LGSN: variants seen among roughly 807,000 people sequenced by gnomAD.
LGSN encodes the protein lengsin, lens protein with glutamine synthetase domain.
A neutral mutation model predicts 19.5 loss-of-function variants in LGSN; 21 were observed. The ratio of observed to expected loss-of-function variants is 1.07; its 90% CI spans 0.76 to 1.55. LGSN has a LOEUF of 1.55. Among genes scored for constraint, LGSN ranks in the 40% most tolerant of loss-of-function variants. LGSN has a pLI of 0.00. For missense variants in LGSN, 673 were observed against 608.5 expected (o/e 1.11, Z -1.12); for synonymous variants, 257 against 215.6 (o/e 1.19, Z -1.68).
intron 1 of LGSN, among the ~76,000 whole-genome samples, chr6:63,313,797 C>T (rs1049006379): frequency 8.6e-5 from 13 of 151,958 alleles, no homozygotes; most frequent in African/African-American, 3.1e-4. Context: ...GATTGCACCA[C>T]TGCACTCCAA....
At chr6:63,389,307 A>T in the LGSN span, among the ~76,000 whole-genome samples, 1,288 of 152,316 alleles carry the variant, frequency 8.5e-3, 22 homozygotes, top group African/African-American at 0.029. Context: ...AAAGAAGCTT[A>T]CCTTACATTT....
At chr6:63,525,517 C>G in the LGSN span, among the ~76,000 whole-genome samples, 1 of 152,208 alleles carries the variant, frequency 6.6e-6, no homozygotes, top group Non-Finnish European at 1.5e-5. Context: ...TTCCCCATCT[C>G]CCAGAACCTA....
intron 2 of LGSN, among the ~76,000 whole-genome samples, chr6:63,289,203 G>A (rs1467528914): frequency 6.6e-6 from 1 of 152,172 alleles, no homozygotes; most frequent in East Asian, 1.9e-4. Flanking sequence ...AATACATCCT[G>A]TGTGATTTGA....
At chr6:63,461,710 C>A in the LGSN span, among the ~76,000 whole-genome samples, 1 of 152,222 alleles carries the variant, frequency 6.6e-6, no homozygotes, top group Admixed American at 6.5e-5. Context: ...GATCCCAAAT[C>A]AATCTGGTCT....
the LGSN span, among the ~76,000 whole-genome samples, chr6:63,498,208 G>A: frequency 5.9e-5 from 9 of 152,008 alleles, no homozygotes; most frequent in Non-Finnish European, 1.2e-4. Context: ...GTGAGCCACC[G>A]CATCCCACCT....
the LGSN span, among the ~76,000 whole-genome samples, chr6:63,528,427 C>CT: frequency 5.1e-3 from 734 of 144,532 alleles, 7 homozygotes; most frequent in African/African-American, 0.014. Context: ...GAATCTCTGT[C>CT]TTTTTTTTTT....
the LGSN span, among the ~76,000 whole-genome samples, chr6:63,419,037 G>A: frequency 1.3e-5 from 2 of 152,088 alleles, no homozygotes; most frequent in Non-Finnish European, 2.9e-5. Flanking sequence ...ATCACCCATA[G>A]GTAATGAGGC....
chr6:63,444,047 C>T, the LGSN span, among the ~76,000 whole-genome samples: 1 of 152,074 alleles, frequency 6.6e-6, no homozygotes, highest in Non-Finnish European at 1.5e-5. Context: ...AGTTAACCAA[C>T]TCATAATAGG....
chr6:63,321,162 G>A (rs889757444), upstream of LGSN, among the ~76,000 whole-genome samples: 3 of 151,986 alleles, frequency 2.0e-5, no homozygotes, highest in African/African-American at 7.3e-5. Context: ...TCTCTAGTAG[G>A]GTGTTTAATT....
At chr6:63,318,581 C>T (rs1019146525) in intron 1 of LGSN, among the ~76,000 whole-genome samples, 24 of 152,254 alleles carry the variant, frequency 1.6e-4, no homozygotes, top group African/African-American at 5.1e-4. Context: ...AACTTTTCCT[C>T]AAAAGACAGA....
the LGSN span, among the ~76,000 whole-genome samples, chr6:63,567,401 C>G: frequency 1.3e-5 from 2 of 152,210 alleles, no homozygotes; most frequent in Non-Finnish European, 2.9e-5. Context: ...CAATATTACT[C>G]TCCTTGTACA....
chr6:63,475,238 C>A, the LGSN span, among the ~76,000 whole-genome samples: 3 of 151,452 alleles, frequency 2.0e-5, no homozygotes, highest in African/African-American at 7.3e-5. Flanking sequence ...ACCCTAACAC[C>A]CCATGCCAAC....
the LGSN span, among the ~76,000 whole-genome samples, chr6:63,372,770 T>C: frequency 3.9e-5 from 6 of 152,278 alleles, no homozygotes; most frequent in South Asian, 2.1e-4. Context: ...CATGCCATAA[T>C]GTACTAATAA....
At chr6:63,362,254 G>A in the LGSN span, among the ~76,000 whole-genome samples, 19,877 of 152,178 alleles carry the variant, frequency 0.13, 2,869 homozygotes, top group African/African-American at 0.36. Flanking sequence ...TGCCAAGATC[G>A]CCAACTAGGA....
At chr6:63,315,874 A>T (rs1371637426) in intron 1 of LGSN, among the ~76,000 whole-genome samples, 2 of 137,988 alleles carry the variant, frequency 1.4e-5, no homozygotes, top group East Asian at 4.3e-4. Context: ...TCCAGGTCTT[A>T]AAAAAAAAAA....
rs764739060 is a variant in LGSN at position 63,280,130 on chromosome 6, T to G, written c.1421A>C (p.Gln474Pro). ...VALEEDQCLR[Q>P]ALGETFIRYF... ...TCGAATAAAGGTTTCTCCTAGAGCCTGTCTCAGGCATTGATCTTCTTCCAG... is the reference window on the plus strand; with the variant it reads ...TCGAATAAAGGTTTCTCCTAGAGCCGGTCTCAGGCATTGATCTTCTTCCAG... Residue 474 changes from glutamine (Q) to proline (P), a missense_variant, in exon 4 of 4, where the codon CAG becomes CCG. Gln to Pro is a moderately conservative substitution (Grantham distance 76, BLOSUM62 -1). Coordinates refer to ENST00000370657, the MANE Select transcript of LGSN (RefSeq NM_016571.3). The G allele has an allele frequency of 6.2e-7, 1 of 1,614,258 alleles. No individual in the cohort carries two copies. Among genetic ancestry groups the G allele is most frequent in the Non-Finnish European group, 8.5e-7 (1 of 1,180,042 alleles).
At chr6:63,515,197 A>G in the LGSN span, among the ~76,000 whole-genome samples, 3 of 147,254 alleles carry the variant, frequency 2.0e-5, no homozygotes, top group African/African-American at 7.8e-5. Flanking sequence ...ATTTATCTTA[A>G]TCACCTTTCT....
chr6:63,359,456 C>G, the LGSN span, among the ~76,000 whole-genome samples: 1 of 152,188 alleles, frequency 6.6e-6, no homozygotes, highest in Admixed American at 6.5e-5. Flanking sequence ...GTGAATCCAT[C>G]TGGTCCTGGA....
At chr6:63,432,156 A>AGG in the LGSN span, among the ~76,000 whole-genome samples, 40 of 115,444 alleles carry the variant, frequency 3.5e-4, 1 homozygote, top group Admixed American at 6.8e-4. Context: ...AAAGAAAGAA[A>AGG]GAAAGAAAGA....
Sources: allele counts gnomAD v4.1 joint callset (sites outside exome capture counted in the v4.1 genomes callset), GRCh38; gene constraint gnomAD v4.1.1; transcripts MANE v1.5; gene names NCBI Gene and HGNC (gene_info 2026-07-23, HGNC 2026-07-21).